Variants in MAGI2 observed in about 807,000 individuals in gnomAD.
MAGI2 encodes membrane-associated guanylate kinase, WW and PDZ domain-containing protein 2.
MAGI2 carries 35 observed loss-of-function variants against 133.3 expected under a neutral mutation model. The observed-to-expected ratio is 0.26, with a 90% CI of 0.20 to 0.35. The LOEUF is 0.35. MAGI2 is among the 10% of genes least tolerant of loss of function. The probability of loss-of-function intolerance (pLI) is 1.00; values close to 1 mark genes in which losing one functional copy is unlikely to be tolerated. For missense variants in MAGI2, 1,636 were observed against 1,863.4 expected (o/e 0.88, Z 2.25); for synonymous variants, 729 against 710.6 (o/e 1.03, Z -0.41).
intron 1 of MAGI2, among the ~76,000 whole-genome samples, chr7:79,448,898 C>T (rs990295600): frequency 1.3e-5 from 2 of 152,028 alleles, no homozygotes; most frequent in Admixed American, 1.3e-4. Flanking sequence ...CGAGGTCATA[C>T]CATTTAAATT....
intron 2 of MAGI2, among the ~76,000 whole-genome samples, chr7:78,645,149 C>T (rs1305324207): frequency 6.7e-6 from 1 of 150,360 alleles, no homozygotes; most frequent in Admixed American, 6.6e-5. Context: ...TGTGTGTCTA[C>T]CTGATATTTT....
chr7:78,128,966 T>TA (rs1821271488), intron 18 of MAGI2, among the ~76,000 whole-genome samples: 1 of 152,244 alleles, frequency 6.6e-6, no homozygotes, highest in Non-Finnish European at 1.5e-5. Context: ...CAAAAGGAAT[T>TA]AAACTGGGTG....
intron 2 of MAGI2, among the ~76,000 whole-genome samples, chr7:78,889,588 A>G (rs1440312599): frequency 2.0e-5 from 3 of 152,240 alleles, no homozygotes; most frequent in East Asian, 1.9e-4. Flanking sequence ...ATTCTTAAAG[A>G]AAAGAATTTT....
In MAGI2 at chr7:79,210,610, T is replaced by C. The variant is rs149223053; in HGVS notation, c.302-203404A>G. On this transcript the variant is annotated intron_variant, in intron 1 of 21. Coordinates refer to ENST00000354212, the MANE Select transcript of MAGI2 (RefSeq NM_012301.4). ...ATCAGTTGGAATAGATATTTTTGCA[T>C]GGGAAATGTCCCAGCACTAAAAACT... Among the ~76,000 whole-genome samples, 55 of 152,172 alleles carry C rather than the reference T, an allele frequency of 3.6e-4. 1 individual carries two copies. The East Asian group carries it at 9.8e-3, about 27-fold the overall frequency.
intron 3 of MAGI2, among the ~76,000 whole-genome samples, chr7:78,553,105 A>AAAC (rs1016691782): frequency 6.6e-6 from 1 of 151,668 alleles, no homozygotes; most frequent in African/African-American, 2.4e-5. Context: ...AAAAAAAAAA[A>AAAC]AAACAAACAC....
intron 2 of MAGI2, among the ~76,000 whole-genome samples, chr7:78,931,551 T>TG (rs1800122795): frequency 6.6e-6 from 1 of 152,052 alleles, no homozygotes; most frequent in Admixed American, 6.6e-5. Context: ...AGAAACATGA[T>TG]GAACATGTAG....
At chr7:79,141,039 T>A in intron 1 of MAGI2, among the ~76,000 whole-genome samples, 1 of 152,206 alleles carries the variant, frequency 6.6e-6, no homozygotes, top group East Asian at 1.9e-4. Context: ...AACTGTCTAA[T>A]CCTTTCAGTT....
At chr7:79,077,286 G>T (rs935366679) in intron 1 of MAGI2, among the ~76,000 whole-genome samples, 1 of 151,848 alleles carries the variant, frequency 6.6e-6, no homozygotes, top group Non-Finnish European at 1.5e-5. Context: ...GGGCCGGCGC[G>T]GTGGCTCACG....
At chr7:78,292,324 C>T (rs1446388969) in intron 9 of MAGI2, among the ~76,000 whole-genome samples, 1 of 152,124 alleles carries the variant, frequency 6.6e-6, no homozygotes, top group East Asian at 1.9e-4. Context: ...GAGTGAACTC[C>T]CATTCACAAC....
intron 1 of MAGI2, among the ~76,000 whole-genome samples, chr7:79,235,493 G>A (rs1167065271): frequency 1.3e-5 from 2 of 152,210 alleles, no homozygotes; most frequent in South Asian, 2.1e-4. Flanking sequence ...ATATAATCTC[G>A]TGGTGTGCCG....
intron 2 of MAGI2, among the ~76,000 whole-genome samples, chr7:78,862,112 A>T (rs2151502817): frequency 6.6e-6 from 1 of 152,320 alleles, no homozygotes; most frequent in Non-Finnish European, 1.5e-5. Flanking sequence ...ATGTATTTGC[A>T]GTTAATTTTT....
chr7:78,323,673 T>C (rs1260233033), intron 9 of MAGI2, among the ~76,000 whole-genome samples: 1 of 152,208 alleles, frequency 6.6e-6, no homozygotes, highest in Non-Finnish European at 1.5e-5. Flanking sequence ...TAGAACCTAG[T>C]TTCATTTTAA....
intron 9 of MAGI2, among the ~76,000 whole-genome samples, chr7:78,337,044 A>G (rs192792810): frequency 3.9e-5 from 6 of 152,316 alleles, no homozygotes; most frequent in Non-Finnish European, 1.5e-5. Flanking sequence ...GAAAAACACA[A>G]AACATCATGT....
intron 2 of MAGI2, among the ~76,000 whole-genome samples, chr7:78,959,907 G>A (rs1802704502): frequency 6.6e-6 from 1 of 152,088 alleles, no homozygotes; most frequent in South Asian, 2.1e-4. Context: ...CCTGCTTTAT[G>A]TAAACATACA....
intron 20 of MAGI2, among the ~76,000 whole-genome samples, chr7:78,093,913 T>G (rs1337306973): frequency 6.6e-6 from 1 of 152,216 alleles, no homozygotes. Flanking sequence ...TGAAATATTA[T>G]CTCACTTAAT....
At chr7:79,437,299 A>G (rs1442081885) in intron 1 of MAGI2, among the ~76,000 whole-genome samples, 4 of 152,090 alleles carry the variant, frequency 2.6e-5, no homozygotes, top group Non-Finnish European at 4.4e-5. Flanking sequence ...GCAACACACA[A>G]TATATCCTTG....
At chr7:78,697,622 T>A (rs1403657000) in intron 2 of MAGI2, among the ~76,000 whole-genome samples, 2 of 152,208 alleles carry the variant, frequency 1.3e-5, no homozygotes, top group African/African-American at 4.8e-5. Context: ...AAGATTGCCA[T>A]GAATACAAAT....
intron 1 of MAGI2, among the ~76,000 whole-genome samples, chr7:79,310,851 C>T (rs1838224514): frequency 6.6e-6 from 1 of 152,048 alleles, no homozygotes. Context: ...AAATTCTTGC[C>T]TTTCTACAGC....
chr7:78,895,781 T>C (rs1797168252), intron 2 of MAGI2, among the ~76,000 whole-genome samples: 1 of 152,236 alleles, frequency 6.6e-6, no homozygotes, highest in Admixed American at 6.5e-5. Flanking sequence ...GAAACATCAC[T>C]GTGGAAATCT....
Sources: gnomAD v4.1 joint callset for allele counts (sites outside exome capture counted in the v4.1 genomes callset) on GRCh38, gnomAD v4.1.1 for gene constraint, MANE v1.5 for transcripts, NCBI Gene and HGNC (gene_info 2026-07-23, HGNC 2026-07-21) for gene names.